ARHGAP8: variants seen among roughly 807,000 people sequenced by gnomAD.
ARHGAP8 encodes the protein rho GTPase-activating protein 8.
In ARHGAP8, 62 loss-of-function variants were observed where a neutral mutation model predicts 46.1. The observed-to-expected ratio is 1.34, with a 90% CI of 1.10 to 1.66. The LOEUF is 1.66. Ranked by LOEUF, ARHGAP8 falls within the 40% of genes most tolerant of loss-of-function variation. The pLI is 0.00. For synonymous variants in ARHGAP8, 375 were observed against 243.1 expected (o/e 1.54, Z -5.05); for missense variants, 923 against 568.4 (o/e 1.62, Z -6.34).
At chr22:44,791,316 G>C (rs893585332) in intron 2 of ARHGAP8, among the ~76,000 whole-genome samples, 1 of 152,128 alleles carries the variant, frequency 6.6e-6, no homozygotes, top group African/African-American at 2.4e-5. Context: ...CCAGGGCCTC[G>C]ATGCTGCAGA....
At chr22:44,781,564 C>G (rs971576642) in intron 1 of ARHGAP8, among the ~76,000 whole-genome samples, 1 of 152,086 alleles carries the variant, frequency 6.6e-6, no homozygotes, top group African/African-American at 2.4e-5. Flanking sequence ...ACTCTTGTTG[C>G]CCAAGCTGGA....
rs139825565 is a variant in ARHGAP8, at chr22:44,862,545, A to G, written c.1252A>G (p.Lys418Glu). ...VPRTQATGLT[K>E]PTLPPSPLMA... Reference sequence around the variant, plus strand: ...ACGGACACAAGCCACGGGCCTCACCAAGCCTACCCTACCTCCGAGTCCCCT... The same window carrying G: ...ACGGACACAAGCCACGGGCCTCACCGAGCCTACCCTACCTCCGAGTCCCCT... Residue 418 changes from lysine (K) to glutamate (E), a missense_variant, in exon 12 of 12, where the codon AAG becomes GAG. Coordinates refer to ENST00000356099, the MANE Select transcript of ARHGAP8 (RefSeq NM_181335.3). 6.2e-7 allele frequency: 1 copy of G among 1,604,054 alleles called. No homozygotes were observed. Among genetic ancestry groups the G allele is most frequent in the African/African-American group, 1.3e-5 (1 of 74,824 alleles).
At chr22:44,828,643 G>T (rs538687502) in intron 7 of ARHGAP8, among the ~76,000 whole-genome samples, 1 of 151,924 alleles carries the variant, frequency 6.6e-6, no homozygotes, top group Non-Finnish European at 1.5e-5. Context: ...AGTACAGGCA[G>T]GGTTTCACCA....
intron 7 of ARHGAP8, among the ~76,000 whole-genome samples, chr22:44,840,112 AG>A (rs1931554599): frequency 6.6e-6 from 1 of 152,208 alleles, no homozygotes. Flanking sequence ...AGGTGGGAAG[AG>A]TCAGGCTCTT....
Position 44,825,565 on chromosome 22 carries a change from A to G in ARHGAP8, c.568A>G (p.Thr190Ala), listed in dbSNP as rs1930452145. ...KTPPPRPPLP[T>A]QQFGVSLQYL... is the part of the protein sequence containing the mutation. ...ACCACCGCCGCGGCCCCCGCTGCCC[A>G]CACAGCAGTTTGGCGTCAGTCTGCA... The change falls in exon 7 of 12, where the codon ACA (threonine) becomes GCA (alanine). Residue 190 changes from threonine to alanine, a missense_variant. Transcript: ENST00000356099. 2 of 1,612,530 alleles carry G rather than the reference A, an allele frequency of 1.2e-6. No homozygotes were observed. The highest frequency in any genetic ancestry group is 1.3e-5 in the African/African-American group (1 of 74,776).
chr22:44,862,691 TTAGATGAATTCAGAA>T lies in ARHGAP8; in HGVS notation c.*97_*111del, dbSNP rs1224044746. 2.9e-6 allele frequency: 4 copies of T among 1,400,696 alleles called. No individual in the cohort carries two copies. The highest frequency in any genetic ancestry group is 3.8e-6 in the Non-Finnish European group (4 of 1,057,794). The allele number at this position is 1,400,696 out of a possible 1,614,324, so 86.8% of individuals were successfully genotyped here. ...TGGCATCTGTAAAAATAACCAGCCATTAGATGAATTCAGAACCTTCTAATGAAAACTCCATGCCTC... is the reference window on the plus strand; with the variant it reads ...TGGCATCTGTAAAAATAACCAGCCATCCTTCTAATGAAAACTCCATGCCTC... On this transcript the variant is annotated 3_prime_UTR_variant, in exon 12 of 12. Coordinates refer to ENST00000356099, the MANE Select transcript of ARHGAP8 (RefSeq NM_181335.3).
intron 10 of ARHGAP8, 185 bp downstream of exon 10, chr22:44,849,245 C>A: frequency 8.8e-7 from 1 of 1,132,022 alleles, no homozygotes; most frequent in Non-Finnish European, 1.2e-6. Flanking sequence ...CACAGCCAGT[C>A]CACACTGTCC....
At chr22:44,854,086 C>G (rs2070163237) in intron 10 of ARHGAP8, among the ~76,000 whole-genome samples, 1 of 134,104 alleles carries the variant, frequency 7.5e-6, no homozygotes. Flanking sequence ...CCTGCAGTAT[C>G]TGTAGATTTG....
At chr22:44,787,039 A>C (rs1490063864) in intron 2 of ARHGAP8, among the ~76,000 whole-genome samples, 4 of 48,838 alleles carry the variant, frequency 8.2e-5, no homozygotes, top group Non-Finnish European at 1.7e-4. Context: ...CAAAAAAACA[A>C]AAAAAAAAAA....
intron 1 of ARHGAP8, among the ~76,000 whole-genome samples, chr22:44,766,446 ATG>A (rs1455701752): frequency 1.3e-5 from 2 of 150,266 alleles, no homozygotes; most frequent in Admixed American, 6.6e-5. Flanking sequence ...CTTTGTGCAT[ATG>A]TGTGTCTCTG....
chr22:44,764,386 G>A (rs571915273), intron 1 of ARHGAP8, among the ~76,000 whole-genome samples: 2 of 152,352 alleles, frequency 1.3e-5, no homozygotes, highest in South Asian at 2.1e-4. Flanking sequence ...ACAGGCCTGA[G>A]AGTGACAGCC....
chr22:44,825,876 G>A (rs1318053203), intron 7 of ARHGAP8, among the ~76,000 whole-genome samples: 1 of 133,820 alleles, frequency 7.5e-6, no homozygotes, highest in Non-Finnish European at 1.6e-5. Context: ...CCTGGTTGGG[G>A]GGCGCGTGCT....
At chr22:44,820,129 T>G (rs960754651) in intron 5 of ARHGAP8, among the ~76,000 whole-genome samples, 24 of 152,370 alleles carry the variant, frequency 1.6e-4, no homozygotes, top group Non-Finnish European at 2.9e-4. Context: ...GTGGTGCCTG[T>G]GGCTGCAGGT....
intron 7 of ARHGAP8, among the ~76,000 whole-genome samples, chr22:44,832,459 CT>C: frequency 6.6e-6 from 1 of 152,204 alleles, no homozygotes; most frequent in African/African-American, 2.4e-5. Context: ...CTCCTGACCT[CT>C]GGTGATCTGC....
intron 10 of ARHGAP8, among the ~76,000 whole-genome samples, chr22:44,852,684 G>A (rs2070126609): frequency 6.6e-6 from 1 of 152,174 alleles, no homozygotes; most frequent in South Asian, 2.1e-4. Flanking sequence ...CGGTGGAGGT[G>A]GGAGTAGGGT....
chr22:44,804,270 G>C (rs1347183558), intron 3 of ARHGAP8, among the ~76,000 whole-genome samples: 1 of 152,144 alleles, frequency 6.6e-6, no homozygotes, highest in African/African-American at 2.4e-5. Flanking sequence ...CTTTCATAAG[G>C]CGGCCACCGA....
chr22:44,858,060 TTTC>T (rs2070285673), intron 10 of ARHGAP8, among the ~76,000 whole-genome samples: 1 of 152,220 alleles, frequency 6.6e-6, no homozygotes, highest in Non-Finnish European at 1.5e-5. Flanking sequence ...GAAATACTCA[TTTC>T]AAGGGAATTC....
chr22:44,852,189 CAAAAAAAAAAAAAAAA>C (rs58207915), intron 10 of ARHGAP8, among the ~76,000 whole-genome samples: 2 of 76,032 alleles, frequency 2.6e-5, no homozygotes, highest in African/African-American at 1.2e-4. Context: ...GAGACTTTGT[CAAAAAAAAAAAAAAAA>C]AAAAAAAAAA....
At chr22:44,807,718 T>C (rs1433436617) in intron 3 of ARHGAP8, among the ~76,000 whole-genome samples, 1 of 152,174 alleles carries the variant, frequency 6.6e-6, no homozygotes, top group Non-Finnish European at 1.5e-5. Context: ...AGTTCAAAAT[T>C]GAGGTGTGGC....
Sources: gnomAD v4.1 joint callset for allele counts (sites outside exome capture counted in the v4.1 genomes callset) on GRCh38, gnomAD v4.1.1 for gene constraint, MANE v1.5 for transcripts, NCBI Gene and HGNC (gene_info 2026-07-23, HGNC 2026-07-21) for gene names.